The following MCM8 variants were observed in gnomAD, a reference collection of about 807,000 sequenced individuals.
MCM8 encodes minichromosome maintenance 8 homologous recombination repair factor.
In MCM8, 85 loss-of-function variants were observed where a neutral mutation model predicts 98.9. The observed-to-expected ratio is 0.86, with a 90% CI of 0.72 to 1.03. The LOEUF (loss-of-function observed/expected upper bound fraction) is 1.03, where lower values mean the gene tolerates loss of function less well. Ranked by LOEUF, MCM8 falls within the 50% of genes least tolerant of loss-of-function variation. The probability of loss-of-function intolerance (pLI) is 0.00; values close to 1 mark genes in which losing one functional copy is unlikely to be tolerated. For synonymous variants in MCM8, 352 were observed against 338.6 expected, an observed-to-expected ratio of 1.04 and a Z score of -0.44; for missense variants, 951 against 997.8, an observed-to-expected ratio of 0.95 and a Z score of 0.63.
Position 5,998,276 on chromosome 20 carries a change from A to G in MCM8, c.*3885A>G, listed in dbSNP as rs557794101. 1 of 152,166 alleles carries G rather than the reference A, an allele frequency of 6.6e-6. No homozygotes were observed. The highest frequency in any genetic ancestry group is 1.5e-5 in the Non-Finnish European group (1 of 68,034). The allele number at this position is 152,166 out of a possible 1,614,324, so 9.4% of individuals were successfully genotyped here. Reference sequence around the variant, plus strand: ...TATAATGCAGGGGCTGGAAGGTGAGAAAATAACCACATTTCCCAGACTCCC... The same window carrying G: ...TATAATGCAGGGGCTGGAAGGTGAGGAAATAACCACATTTCCCAGACTCCC... On this transcript the variant is annotated 3_prime_UTR_variant, in exon 19 of 19. Transcript: ENST00000610722.
intron 11 of MCM8, 118 bp from the exon 12 acceptor site, chr20:5,972,938 A>G (rs1490641728): frequency 1.2e-5 from 16 of 1,373,534 alleles, no homozygotes; most frequent in African/African-American, 5.9e-5. Flanking sequence ...GAAAAAAATT[A>G]TCATGCTTTT....
At chr20:5,961,498 G>C (rs2089142574) in intron 7 of MCM8, among the ~76,000 whole-genome samples, 2 of 152,136 alleles carry the variant, frequency 1.3e-5, no homozygotes, top group Admixed American at 1.3e-4. Flanking sequence ...GGAAGAAGAG[G>C]GTATGTGAGA....
In MCM8 at chr20:5,996,615, AGTG is replaced by A. The variant is rs564608074; in HGVS notation, c.*2227_*2229del. On this transcript the variant is annotated 3_prime_UTR_variant, in exon 19 of 19. Coordinates refer to ENST00000610722, the MANE Select transcript of MCM8 (RefSeq NM_032485.6). ...ACATAAATAATATCAACCAAAATAA[AGTG>A]GTAGACAGAAGAGAAAATATACTAA... 17 of 152,312 alleles carry A rather than the reference AGTG, an allele frequency of 1.1e-4. No individual in the cohort carries two copies. The East Asian group carries it at 3.3e-3, about 29-fold the overall frequency. The allele number at this position is 152,312 out of a possible 1,614,324, so 9.4% of individuals were successfully genotyped here.
chr20:5,981,655 T>A (rs566865701), intron 13 of MCM8, among the ~76,000 whole-genome samples: 2 of 152,206 alleles, frequency 1.3e-5, no homozygotes, highest in Admixed American at 6.5e-5. Flanking sequence ...GCAGCCGTTA[T>A]TATACATGAG....
chr20:5,951,714 A>G (rs912148745), intron 1 of MCM8, among the ~76,000 whole-genome samples: 2 of 152,170 alleles, frequency 1.3e-5, no homozygotes, highest in African/African-American at 4.8e-5. Flanking sequence ...CATTTCTGTA[A>G]TGGGGACTTG....
At position 5,996,640 on chromosome 20, in the gene MCM8, CTAAT is replaced by C. The variant is rs1488986265; in HGVS notation, c.*2251_*2254del. On this transcript the variant is annotated 3_prime_UTR_variant, in exon 19 of 19. Transcript: ENST00000610722. ...AGTGGTAGACAGAAGAGAAAATATA[CTAAT>C]TTATTGTTCAAAGAGGAAAATAAGT... 1.3e-5 allele frequency: 2 copies of C among 152,118 alleles called. No homozygotes were observed. Among genetic ancestry groups the C allele is most frequent in the African/African-American group, 2.4e-5 (1 of 41,426 alleles). 9.4% of individuals were successfully genotyped at this position (152,118 alleles called of 1,614,324 possible).
intron 17 of MCM8, chr20:5,990,802 A>G (rs1255729421): frequency 1.3e-5 from 2 of 152,152 alleles, no homozygotes; most frequent in Admixed American, 6.5e-5. Flanking sequence ...AAAAATAGGC[A>G]CTTCTTATTT....
At chr20:5,985,047 C>A in intron 15 of MCM8, 47 bp downstream of exon 15, 1 of 1,505,516 alleles carries the variant, frequency 6.6e-7, no homozygotes, top group Non-Finnish European at 9.2e-7. Flanking sequence ...GTTTGAATGT[C>A]AAAGTTCAGT....
Position 5,963,306 on chromosome 20 carries a change from T to C in MCM8, c.822T>C (p.Phe274=). 1 of 1,614,140 alleles carries C rather than the reference T, an allele frequency of 6.2e-7. No homozygotes were observed. Among genetic ancestry groups the C allele is most frequent in the African/African-American group, 1.3e-5 (1 of 75,034 alleles). The change falls in exon 8 of 19, where the codon TTT becomes TTC. Residue 274 remains phenylalanine, a synonymous_variant. Transcript: ENST00000610722. ...TGCCTGTGTGTCGAGGCAGGTCATT[T>C]ACTGCTCTCCGCAGCTCTCCTCTCA... ...CPVPVCRGRS[F]TALRSSPLTV... is the part of the protein sequence containing the mutation.
intron 17 of MCM8, among the ~76,000 whole-genome samples, chr20:5,989,713 T>C (rs1309859975): frequency 6.6e-6 from 1 of 152,184 alleles, no homozygotes; most frequent in Non-Finnish European, 1.5e-5. Flanking sequence ...GGCTGCTGTC[T>C]TCTCTCTGCT....
intron 4 of MCM8, 71 bp from the exon 5 acceptor site, chr20:5,955,031 A>G (rs2088938084): frequency 1.9e-6 from 2 of 1,067,106 alleles, no homozygotes; most frequent in African/African-American, 1.6e-5. Flanking sequence ...AAAGTCTATA[A>G]TAGAATGCTC....
rs201865735 is a variant in MCM8 at position 5,982,962 on chromosome 20, G to A, written c.1538-8G>A. The A allele has an allele frequency of 9.4e-6, 15 of 1,601,726 alleles. No individual in the cohort carries two copies. Among genetic ancestry groups the A allele is most frequent in the Middle Eastern group, 1.7e-4 (1 of 6,044 alleles). On this transcript the variant is annotated splice_region_variant and splice_polypyrimidine_tract_variant and intron_variant, in intron 13 of 18. Coordinates refer to ENST00000610722, the MANE Select transcript of MCM8 (RefSeq NM_032485.6). ...TGTTTTTTCTGCTTTATTCTACTTCGATTGTAGGTATTTGTGGAATCGATG... is the reference window on the plus strand; with the variant it reads ...TGTTTTTTCTGCTTTATTCTACTTCAATTGTAGGTATTTGTGGAATCGATG...
In MCM8 at chr20:5,985,825, C is replaced by T. The variant is rs913738989; in HGVS notation, c.1954-97C>T. The T allele has an allele frequency of 1.1e-5, 13 of 1,210,224 alleles. No homozygotes were observed. In the East Asian group the frequency reaches 1.9e-4, roughly 18 times the overall value. The allele number at this position is 1,210,224 out of a possible 1,614,324, so 75.0% of individuals were successfully genotyped here. A position where few individuals can be genotyped will look rare whatever the true frequency, so the allele number is the denominator to read the frequency against. On this transcript the variant is annotated intron_variant, in intron 15 of 18. Coordinates refer to ENST00000610722, the MANE Select transcript of MCM8 (RefSeq NM_032485.6). ...CCTCCCAAAGCGCAGGGATTACAGGCGTGAGCCACTGCACCTGGCCTAAAC... is the reference window on the plus strand; with the variant it reads ...CCTCCCAAAGCGCAGGGATTACAGGTGTGAGCCACTGCACCTGGCCTAAAC...
chr20:5,959,972 G>C (rs988714485), intron 7 of MCM8, among the ~76,000 whole-genome samples: 5 of 151,872 alleles, frequency 3.3e-5, no homozygotes, highest in African/African-American at 1.2e-4. Flanking sequence ...GCTGGGATTG[G>C]CCGGCTGTAC....
rs2088803945 is a variant in MCM8 at position 5,950,913 on chromosome 20, T to C, written c.-116T>C. 6.7e-6 allele frequency: 1 copy of C among 150,186 alleles called. No individual in the cohort carries two copies. 9.3% of individuals were successfully genotyped at this position (150,186 alleles called of 1,614,324 possible). A position where few individuals can be genotyped will look rare whatever the true frequency, so the allele number is the denominator to read the frequency against. On this transcript the variant is annotated 5_prime_UTR_variant, in exon 1 of 19. Transcript: ENST00000610722. ...ATCCCGGAGACTCTTAGCCCCGTGG[T>C]GCTTCTCTACGGGAGGGAGGGAGGG...
chr20:5,956,660 C>T (rs1052288732), intron 5 of MCM8, among the ~76,000 whole-genome samples: 14 of 152,160 alleles, frequency 9.2e-5, no homozygotes, highest in Non-Finnish European at 1.8e-4. Context: ...TCCCAAAGTG[C>T]TGGGATAACA....
At position 5,958,607 on chromosome 20, in the gene MCM8, A is replaced by G. The variant is rs1177936615; in HGVS notation, c.670A>G (p.Thr224Ala). ...TGGAAAATACATTGCTCTAAGAGGG[A>G]CAGTGGTTCGTGTCAGTAATATAAA... ...YYGKYIALRGTVVRVSNIKPL... is the reference protein window; with the variant it reads ...YYGKYIALRGAVVRVSNIKPL... Residue 224 changes from threonine to alanine, a missense_variant, in exon 7 of 19, where the codon ACA becomes GCA. Thr to Ala is a moderately conservative substitution (Grantham distance 58). Coordinates refer to ENST00000610722, the MANE Select transcript of MCM8 (RefSeq NM_032485.6). 4.3e-6 allele frequency: 7 copies of G among 1,614,142 alleles called. No homozygotes were observed. The highest frequency in any genetic ancestry group is 5.9e-6 in the Non-Finnish European group (7 of 1,180,002).
chr20:5,986,143 T>C lies in MCM8; in HGVS notation c.2163+12T>C. The C allele has an allele frequency of 6.2e-7, 1 of 1,613,536 alleles. No homozygotes were observed. The highest frequency in any genetic ancestry group is 8.5e-7 in the Non-Finnish European group (1 of 1,179,572). On this transcript the variant is annotated intron_variant, in intron 16 of 18. Coordinates refer to ENST00000610722, the MANE Select transcript of MCM8 (RefSeq NM_032485.6). Reference sequence around the variant, plus strand: ...TTCGTCTGACAGAGGTTTGTTTCTTTTTATGGTCATGCTTTTTTTGGCTTA... The same window carrying C: ...TTCGTCTGACAGAGGTTTGTTTCTTCTTATGGTCATGCTTTTTTTGGCTTA...
At chr20:5,976,734 A>G (rs763662032) in intron 12 of MCM8, among the ~76,000 whole-genome samples, 3 of 152,148 alleles carry the variant, frequency 2.0e-5, no homozygotes, top group Non-Finnish European at 2.9e-5. Flanking sequence ...TCAGTTTTAC[A>G]CTAGCTATGC....
Sources: gnomAD v4.1 joint callset for allele counts (sites outside exome capture counted in the v4.1 genomes callset) on GRCh38, gnomAD v4.1.1 for gene constraint, MANE v1.5 for transcripts, NCBI Gene and HGNC (gene_info 2026-07-23, HGNC 2026-07-21) for gene names.